The following AFF3 variants were observed in gnomAD, a reference collection of about 807,000 sequenced individuals.
AFF3 encodes AF4/FMR2 family member 3.
Under a neutral mutation model 129.7 loss-of-function variants are expected in AFF3, and 32 were observed. That is an observed-to-expected ratio of 0.25 (90% CI 0.19 to 0.33). The LOEUF is 0.33. Ranked by LOEUF, AFF3 falls within the 10% of genes least tolerant of loss-of-function variation. AFF3 has a pLI of 1.00. For missense variants in AFF3, 1,373 were observed against 1,592.0 expected, an observed-to-expected ratio of 0.86 and a Z score of 2.34; for synonymous variants, 644 against 635.4, an observed-to-expected ratio of 1.01 and a Z score of -0.20.
intron 11 of AFF3, among the ~76,000 whole-genome samples, chr2:99,673,950 C>A (rs747575189): frequency 1.3e-5 from 2 of 152,180 alleles, no homozygotes; most frequent in Non-Finnish European, 2.9e-5. Context: ...AAGGTTGAAT[C>A]CTGCTTTAGA....
At chr2:100,120,806 C>A (rs1420518257) in intron 2 of AFF3, among the ~76,000 whole-genome samples, 1 of 151,936 alleles carries the variant, frequency 6.6e-6, no homozygotes, top group Non-Finnish European at 1.5e-5. Flanking sequence ...CTAATATTTC[C>A]TTTAAATTTT....
At chr2:99,914,367 C>G (rs930110875) in intron 7 of AFF3, among the ~76,000 whole-genome samples, 2 of 152,138 alleles carry the variant, frequency 1.3e-5, no homozygotes, top group Non-Finnish European at 2.9e-5. Flanking sequence ...AGGGACAAAA[C>G]AAGCCCAAGG....
intron 2 of AFF3, among the ~76,000 whole-genome samples, chr2:100,124,638 G>A (rs1692111261): frequency 6.6e-6 from 1 of 150,984 alleles, no homozygotes; most frequent in African/African-American, 2.4e-5. Flanking sequence ...TGACATAGAG[G>A]GCAGCCAGTA....
intron 10 of AFF3, 83 bp from the exon 11 acceptor site, chr2:99,727,211 C>A (rs1353624857): frequency 7.7e-7 from 1 of 1,295,190 alleles, no homozygotes; most frequent in Non-Finnish European, 1.1e-6. Context: ...TATTTCCATG[C>A]TCCTATTAAC....
Position 99,551,188 on chromosome 2 carries a change from C to G in AFF3, c.*286G>C. On this transcript the variant is annotated 3_prime_UTR_variant, in exon 25 of 25. Coordinates refer to ENST00000672756, the MANE Select transcript of AFF3 (RefSeq NM_001386135.1). Reference sequence around the variant, plus strand: ...TGTGTGTGTGTGTGTGTGTGTACTTCCTCTAGTCAGAAACCTCTGATCACT... The same window carrying G: ...TGTGTGTGTGTGTGTGTGTGTACTTGCTCTAGTCAGAAACCTCTGATCACT... 3.8e-6 allele frequency: 2 copies of G among 526,096 alleles called. No homozygotes were observed. The highest frequency in any genetic ancestry group is 6.8e-6 in the Non-Finnish European group (2 of 295,194). The allele number at this position is 526,096 out of a possible 1,614,324, so 32.6% of individuals were successfully genotyped here. A position where few individuals can be genotyped will look rare whatever the true frequency, so the allele number is the denominator to read the frequency against.
intron 4 of AFF3, among the ~76,000 whole-genome samples, chr2:100,026,925 T>C (rs1456263228): frequency 7.3e-6 from 1 of 137,076 alleles, no homozygotes; most frequent in Non-Finnish European, 1.6e-5. Context: ...TTTGGGGACT[T>C]GGGGGGAAGG....
chr2:100,107,452 C>T, intron 2 of AFF3: 1 of 985,154 alleles, frequency 1.0e-6, no homozygotes, highest in Non-Finnish European at 1.2e-6. Flanking sequence ...TAAAAGGGAA[C>T]TTTTTTATGT....
intron 8 of AFF3, among the ~76,000 whole-genome samples, chr2:99,793,531 C>T (rs1010720157): frequency 6.6e-6 from 1 of 152,120 alleles, no homozygotes; most frequent in African/African-American, 2.4e-5. Context: ...TAAATTTGTA[C>T]ATTTCCCCTA....
chr2:100,051,299 A>G (rs1317022366), intron 4 of AFF3, among the ~76,000 whole-genome samples: 1 of 152,188 alleles, frequency 6.6e-6, no homozygotes, highest in African/African-American at 2.4e-5. Flanking sequence ...GAGCTGGAGA[A>G]TACGAGCTGA....
intron 8 of AFF3, among the ~76,000 whole-genome samples, chr2:99,789,005 C>G (rs1381347958): frequency 6.6e-6 from 1 of 152,124 alleles, no homozygotes; most frequent in African/African-American, 2.4e-5. Context: ...GTAGGCTATA[C>G]CATCTTAGTT....
rs1681720709 is a variant in AFF3 at position 99,752,284 on chromosome 2, T to C, written c.939A>G (p.Pro313=). 2 of 1,613,986 alleles carry C rather than the reference T, an allele frequency of 1.2e-6. No homozygotes were observed. Among genetic ancestry groups the C allele is most frequent in the Non-Finnish European group, 1.7e-6 (2 of 1,179,894 alleles). Residue 313 remains proline (P), a synonymous_variant, in exon 9 of 25, where the codon CCA becomes CCG. Coordinates refer to ENST00000672756, the MANE Select transcript of AFF3 (RefSeq NM_001386135.1). The part of the protein sequence containing the change: ...EEIIREMTWL[P]PLSAIQAPGK... ...CAGGTGCTTGAATAGCAGAAAGTGG[T>C]GGAAGCCAGGTCATCTCCTGAAGGA...
chr2:99,876,207 A>G (rs1692284354), intron 7 of AFF3, among the ~76,000 whole-genome samples: 1 of 152,186 alleles, frequency 6.6e-6, no homozygotes, highest in African/African-American at 2.4e-5. Context: ...TTCTAAGTTG[A>G]GTCCTGAATG....
chr2:99,875,972 G>C (rs2105987655), intron 7 of AFF3, among the ~76,000 whole-genome samples: 1 of 152,224 alleles, frequency 6.6e-6, no homozygotes, highest in East Asian at 1.9e-4. Context: ...GCACTTGACA[G>C]AGTGGGCCCC....
chr2:99,873,292 T>A (rs113701014), intron 7 of AFF3, among the ~76,000 whole-genome samples: 4 of 152,374 alleles, frequency 2.6e-5, no homozygotes, highest in Non-Finnish European at 5.9e-5. Context: ...TGACTGCTAA[T>A]AGCGTTTGGT....
At chr2:99,769,341 T>C (rs1317995209) in intron 8 of AFF3, among the ~76,000 whole-genome samples, 2 of 152,162 alleles carry the variant, frequency 1.3e-5, no homozygotes, top group Non-Finnish European at 2.9e-5. Context: ...TTCTGCTTGA[T>C]TCTGTTTAAT....
intron 11 of AFF3, among the ~76,000 whole-genome samples, chr2:99,698,572 T>C (rs951803423): frequency 6.6e-6 from 1 of 152,212 alleles, no homozygotes. Context: ...TCAGTTTAGG[T>C]TCTGCCAATA....
At chr2:100,119,273 G>A (rs1691853971) in intron 2 of AFF3, among the ~76,000 whole-genome samples, 1 of 152,184 alleles carries the variant, frequency 6.6e-6, no homozygotes, top group Non-Finnish European at 1.5e-5. Flanking sequence ...AAGTCCCTGT[G>A]ATTACCCTCA....
chr2:99,726,161 T>C (rs1322419521), intron 11 of AFF3, among the ~76,000 whole-genome samples: 4 of 152,344 alleles, frequency 2.6e-5, no homozygotes, highest in Non-Finnish European at 1.5e-5. Context: ...CATATAATCA[T>C]ATCTCTTATG....
chr2:99,766,124 T>C (rs1056049565), intron 8 of AFF3, among the ~76,000 whole-genome samples: 5 of 152,210 alleles, frequency 3.3e-5, no homozygotes, highest in Non-Finnish European at 7.3e-5. Flanking sequence ...CAGTGATTAC[T>C]GTCCAGGCAG....
Sources: gnomAD v4.1 joint callset for allele counts (sites outside exome capture counted in the v4.1 genomes callset) on GRCh38, gnomAD v4.1.1 for gene constraint, MANE v1.5 for transcripts, NCBI Gene and HGNC (gene_info 2026-07-23, HGNC 2026-07-21) for gene names.